The following SPOCD1 variants were observed in gnomAD, a reference collection of about 807,000 sequenced individuals.
The protein encoded by SPOCD1 is SPOC domain-containing protein 1.
Under a neutral mutation model 92.2 loss-of-function variants are expected in SPOCD1, and 64 were observed. The observed-to-expected ratio is 0.69, with a 90% CI of 0.57 to 0.86. SPOCD1 has a LOEUF of 0.86. Ranked by LOEUF, SPOCD1 falls within the 40% of genes least tolerant of loss-of-function variation. The pLI, the probability that SPOCD1 is intolerant of heterozygous loss-of-function variation, is 0.00. For missense variants in SPOCD1, 1,360 were observed against 1,543.1 expected, an observed-to-expected ratio of 0.88 and a Z score of 1.99; for synonymous variants, 578 against 619.3, an observed-to-expected ratio of 0.93 and a Z score of 0.99.
Position 31,792,319 on chromosome 1 carries a change from C to T in SPOCD1, c.2858G>A (p.Arg953Lys), listed in dbSNP as rs1305653969. 5.0e-6 allele frequency: 8 copies of T among 1,613,900 alleles called. No homozygotes were observed. The highest frequency in any genetic ancestry group is 6.8e-6 in the Non-Finnish European group (8 of 1,180,026). ...CRLLYSYLNDRQRHGLASVEH... is the reference protein window; with the variant it reads ...CRLLYSYLNDKQRHGLASVEH... ...CACAGAGGCCAGCCCGTGGCGCTGC[C>T]TATCATTGAGGTATGAGTAGAGCAG... The change falls in exon 15 of 16, where the codon AGG (arginine) becomes AAG (lysine). Residue 953 changes from arginine to lysine, a missense_variant. Arg to Lys is a conservative substitution (Grantham distance 26). Around this residue, in one of 3 missense-constraint regions of SPOCD1, gnomAD observed 614 missense variants for 757.8 expected, o/e 0.81. Transcript: ENST00000360482.
intron 10 of SPOCD1, 71 bp from the exon 11 acceptor site, chr1:31,794,306 G>C: frequency 9.0e-7 from 1 of 1,115,638 alleles, no homozygotes; most frequent in Non-Finnish European, 1.3e-6. Flanking sequence ...CATGGGTAGG[G>C]GGCCCCAGGA....
chr1:31,803,026 G>C (rs12756178), intron 2 of SPOCD1, among the ~76,000 whole-genome samples: 93,812 of 146,454 alleles, frequency 0.64, 29,888 homozygotes, highest in South Asian at 0.72. Context: ...AAGAAAACAG[G>C]GGTGTGGGAA....
chr1:31,792,732 G>T lies in SPOCD1; in HGVS notation c.2721C>A (p.Ile907=). 1 of 1,608,156 alleles carries T rather than the reference G, an allele frequency of 6.2e-7. No homozygotes were observed. Among genetic ancestry groups the T allele is most frequent in the Non-Finnish European group, 8.5e-7 (1 of 1,177,828 alleles). ...GAAGGTCCCAGACAATGTTGGAGGG[G>T]ATGCAGCCTGCCGAGCGGATCACGG... The part of the protein sequence containing the change: ...LPTVIRSAGC[I]PSNIVWDLLA... Residue 907 remains isoleucine (I), a synonymous_variant, in exon 14 of 16, where the codon ATC becomes ATA. Transcript: ENST00000360482.
chr1:31,793,751 C>G lies in SPOCD1; in HGVS notation c.2530G>C (p.Asp844His). 1 of 1,614,160 alleles carries G rather than the reference C, an allele frequency of 6.2e-7. No homozygotes were observed. Among genetic ancestry groups the G allele is most frequent in the Non-Finnish European group, 8.5e-7 (1 of 1,180,044 alleles). ...TCCCTGCTCCCAACCCCACACCTGT[C>G]CTGTGGTTCCGTGGGAGACAACTCC... Reference protein sequence around the residue: ...TRELSPTEPQDRVPPSGLHVP... With the variant: ...TRELSPTEPQHRVPPSGLHVP... The change falls in exon 12 of 16, where the codon GAC becomes CAC. Residue 844 changes from aspartate (D) to histidine (H), a missense_variant. Physicochemically the swap from Asp to His is moderately conservative, Grantham distance 81 (BLOSUM62 -1). Around this residue, in one of 3 missense-constraint regions of SPOCD1, gnomAD observed 614 missense variants for 757.8 expected, o/e 0.81. Transcript: ENST00000360482.
rs756540531 is a variant in SPOCD1 at position 31,801,657 on chromosome 1, A to C, written c.1425+7T>G. The C allele has an allele frequency of 8.1e-6, 13 of 1,613,452 alleles. No homozygotes were observed. Among genetic ancestry groups the C allele is most frequent in the Non-Finnish European group, 1.1e-5 (13 of 1,179,528 alleles). On this transcript the variant is annotated splice_region_variant and intron_variant, in intron 3 of 15. Coordinates refer to ENST00000360482, the MANE Select transcript of SPOCD1 (RefSeq NM_144569.7). ...AAGAAAAGCAATAATAAAATGTAAA[A>C]ACCTACGTAGCACACAAGCTTCACT... is the stretch of plus-strand genomic sequence containing the variant.
intron 9 of SPOCD1, 60 bp from the exon 10 acceptor site, chr1:31,796,775 CCAAGTGCT>C (rs1165488676): frequency 6.2e-6 from 10 of 1,609,674 alleles, no homozygotes; most frequent in Middle Eastern, 1.7e-4. Flanking sequence ...CATCAAAAGC[CCAAGTGCT>C]CACTTTCCTC....
At chr1:31,791,638 G>A (rs894342181) in intron 15 of SPOCD1, among the ~76,000 whole-genome samples, 2 of 152,316 alleles carry the variant, frequency 1.3e-5, no homozygotes, top group African/African-American at 4.8e-5. Context: ...CACAGAGGCC[G>A]AGCTCGGCCC....
At chr1:31,795,440 T>G (rs1424061200) in intron 10 of SPOCD1, 2 of 152,178 alleles carry the variant, frequency 1.3e-5, no homozygotes, top group Non-Finnish European at 2.9e-5. Context: ...AGACACTGCT[T>G]GTAAAAGGTG....
chr1:31,799,474 G>A lies in SPOCD1; in HGVS notation c.1795C>T (p.Gln599Ter), dbSNP rs1570168649. 6.2e-7 allele frequency: 1 copy of A among 1,611,114 alleles called. No individual in the cohort carries two copies. The highest frequency in any genetic ancestry group is 1.1e-5 in the South Asian group (1 of 90,338). ...CCAATATACAGGGATGGCTTCTCCTGTTGGAGCTGAGCTGTAGGGAGAGAG... is the reference window on the plus strand; with the variant it reads ...CCAATATACAGGGATGGCTTCTCCTATTGGAGCTGAGCTGTAGGGAGAGAG... ...EQPEDSAQLQQEKPSLYIGVR... is the reference protein window; with the variant it reads ...EQPEDSAQLQ The change falls in exon 7 of 16, where the codon CAG becomes TAG. Residue 599 changes from glutamine (Q) to a stop codon, truncating the protein, a stop_gained. Coordinates refer to ENST00000360482, the MANE Select transcript of SPOCD1 (RefSeq NM_144569.7). LOFTEE classifies it high-confidence loss of function.
In SPOCD1 at chr1:31,814,764, A is replaced by AG; in HGVS notation, c.569dup (p.Gly191TrpfsTer29). ...CTGGTGAGGATGTCAGGGGCCTTCC[A>AG]GGGGGCTCCTCTTTGCTGAGTGTGG... On this transcript the variant is annotated frameshift_variant, in exon 2 of 16. Coordinates refer to ENST00000360482, the MANE Select transcript of SPOCD1 (RefSeq NM_144569.7). LOFTEE classifies it high-confidence loss of function. The surrounding 1 kb of genome is among the most constrained non-coding windows in gnomAD (Gnocchi z 4.2). The AG allele has an allele frequency of 6.2e-7, 1 of 1,613,518 alleles. No homozygotes were observed. Among genetic ancestry groups the AG allele is most frequent in the South Asian group, 1.1e-5 (1 of 91,030 alleles).
At position 31,814,422 on chromosome 1, in the gene SPOCD1, G is replaced by A. The variant is rs1456477506; in HGVS notation, c.912C>T (p.Val304=). 8 of 1,608,566 alleles carry A rather than the reference G, an allele frequency of 5.0e-6. No homozygotes were observed. The highest frequency in any genetic ancestry group is 3.3e-5 in the South Asian group (3 of 90,442). Residue 304 remains valine, a synonymous_variant, in exon 2 of 16, where the codon GTC becomes GTT. Transcript: ENST00000360482. The surrounding 1 kb of genome is among the most constrained non-coding windows in gnomAD (Gnocchi z 4.2). ...CCCCTCCACTGGGCACTGGGAACCC[G>A]ACAGGGCCACAGGGGCTGCCTGGCT... The part of the protein sequence containing the change: ...GPQPGSPCGP[V]GFPVPSGGES...
intron 2 of SPOCD1, among the ~76,000 whole-genome samples, chr1:31,805,203 C>T (rs969360645): frequency 6.6e-6 from 1 of 151,780 alleles, no homozygotes; most frequent in Non-Finnish European, 1.5e-5. Context: ...CCAGGATGGT[C>T]TCCATCTCCT....
intron 3 of SPOCD1, 109 bp downstream of exon 3, chr1:31,801,555 C>A: frequency 4.2e-6 from 4 of 950,432 alleles, no homozygotes; most frequent in African/African-American, 3.2e-5. Context: ...TGGGGGAGGG[C>A]AGGCTGGGTG....
rs199559369 is a variant in SPOCD1, at chr1:31,814,065, C to T, written c.1269G>A (p.Lys423=). Residue 423 remains lysine, a synonymous_variant, in exon 2 of 16, where the codon AAG becomes AAA. Transcript: ENST00000360482. The surrounding 1 kb of genome is among the most constrained non-coding windows in gnomAD (Gnocchi z 4.2). ...AGGGCACTGGACCTTTCTTCAGGTT[C>T]TTAGTGCCCTTGGATCTTCTCTGCT... ...FMEQRRSKGT[K]NLKKGPVPCA... The T allele has an allele frequency of 1.6e-5, 26 of 1,613,766 alleles. No homozygotes were observed. In the East Asian group the frequency reaches 5.1e-4, roughly 32 times the overall value.
Position 31,800,426 on chromosome 1 carries a change from T to C in SPOCD1, c.1602+15A>G. ...CCTCTCTCAGCAGGATTAAATGACA[T>C]CACTTGTTCTGTACCTGGCACCCAG... is the stretch of plus-strand genomic sequence containing the variant. On this transcript the variant is annotated intron_variant, in intron 4 of 15. Coordinates refer to ENST00000360482, the MANE Select transcript of SPOCD1 (RefSeq NM_144569.7). 6.5e-7 allele frequency: 1 copy of C among 1,546,878 alleles called. No homozygotes were observed. The highest frequency in any genetic ancestry group is 1.2e-5 in the South Asian group (1 of 84,624).
Position 31,814,017 on chromosome 1 carries a change from G to A in SPOCD1, c.1317C>T (p.Asp439=), listed in dbSNP as rs755641523. The A allele has an allele frequency of 6.2e-7, 1 of 1,608,020 alleles. No individual in the cohort carries two copies. Among genetic ancestry groups the A allele is most frequent in the South Asian group, 1.1e-5 (1 of 89,854 alleles). Residue 439 remains aspartate (D), a synonymous_variant, in exon 2 of 16, where the codon GAC becomes GAT. Transcript: ENST00000360482. The surrounding 1 kb of genome is among the most constrained non-coding windows in gnomAD (Gnocchi z 4.2). ...CCTGGTGGGAGTTGTCTGAGCTTCT[G>A]TCTGTGCCCCGGTCTTGGGCACAGG... ...PVPCAQDRGT[D]RSSDNSHQDR...
chr1:31,800,689 T>C (rs2149106998), intron 3 of SPOCD1, 72 bp from the exon 4 acceptor site: 1 of 1,329,174 alleles, frequency 7.5e-7, no homozygotes, highest in East Asian at 2.5e-5. Flanking sequence ...GCTCGCCTCA[T>C]CTGTAATTGT....
Position 31,815,321 on chromosome 1 carries a change from C to A in SPOCD1, c.13G>T (p.Gly5Trp). ...CCTGTGCTGGGGCCTTCTACGTCCC[C>A]CGCCTGGGACATGTCTGTCCACCTA... is the stretch of plus-strand genomic sequence containing the variant. MSQA[G>W]DVEGPSTGDP... is the part of the protein sequence containing the mutation. Residue 5 changes from glycine (G) to tryptophan (W), a missense_variant, in exon 2 of 16, where the codon GGG becomes TGG. This residue lies in a region of SPOCD1 where 140 missense variants were observed against 183.8 expected (regional missense o/e 0.76). Transcript: ENST00000360482. The A allele has an allele frequency of 1.3e-6, 2 of 1,547,128 alleles. No homozygotes were observed. The highest frequency in any genetic ancestry group is 1.2e-5 in the South Asian group (1 of 82,168).
intron 2 of SPOCD1, among the ~76,000 whole-genome samples, chr1:31,807,437 A>G: frequency 2.0e-5 from 1 of 50,456 alleles, no homozygotes; most frequent in Non-Finnish European, 3.9e-5. Flanking sequence ...AGAGAAGGGG[A>G]GGGAAGGGAC....
Sources: gnomAD v4.1 joint callset for allele counts (sites outside exome capture counted in the v4.1 genomes callset) on GRCh38, gnomAD v4.1.1 for gene constraint, gnomAD v4.1.1 regional missense constraint, Gnocchi (gnomAD v3.1) non-coding constraint, MANE v1.5 for transcripts, NCBI Gene and HGNC (gene_info 2026-07-23, HGNC 2026-07-21) for gene names.